Variants in MAPK4 observed in about 807,000 individuals in gnomAD.
MAPK4 encodes the protein Erk3-related.
In MAPK4, 22 loss-of-function variants were observed where a neutral mutation model predicts 47.7. The ratio of observed to expected loss-of-function variants is 0.46; its 90% confidence interval spans 0.33 to 0.66. MAPK4 has a LOEUF of 0.66. Among genes scored for constraint, MAPK4 ranks in the 30% least tolerant of loss-of-function variants. The pLI is 0.02. For missense variants in MAPK4, 736 were observed against 831.7 expected, an observed-to-expected ratio of 0.88 and a Z score of 1.42; for synonymous variants, 390 against 365.7, an observed-to-expected ratio of 1.07 and a Z score of -0.76.
intron 1 of MAPK4, among the ~76,000 whole-genome samples, chr18:50,569,892 G>A (rs1215435933): frequency 6.6e-6 from 1 of 152,182 alleles, no homozygotes; most frequent in Admixed American, 6.5e-5. Context: ...CCTCCAACTG[G>A]GTAAAAGCAG....
chr18:50,697,423 A>G (rs903730993), intron 2 of MAPK4, among the ~76,000 whole-genome samples: 1 of 152,248 alleles, frequency 6.6e-6, no homozygotes, highest in Admixed American at 6.5e-5. Context: ...TTGCTACATT[A>G]ATAATTCAAT....
chr18:50,659,995 T>C (rs2043152530), intron 1 of MAPK4, among the ~76,000 whole-genome samples: 1 of 151,902 alleles, frequency 6.6e-6, no homozygotes, highest in Non-Finnish European at 1.5e-5. Flanking sequence ...GCCAGTCTGC[T>C]CCTCCCCAGG....
At chr18:50,597,483 C>G (rs1222162205) in intron 1 of MAPK4, among the ~76,000 whole-genome samples, 1 of 152,148 alleles carries the variant, frequency 6.6e-6, no homozygotes, top group Non-Finnish European at 1.5e-5. Context: ...GTTTTACATC[C>G]CAAAGAAAGC....
At chr18:50,575,245 G>A (rs1029596346) in intron 1 of MAPK4, among the ~76,000 whole-genome samples, 9 of 152,152 alleles carry the variant, frequency 5.9e-5, no homozygotes, top group Admixed American at 5.2e-4. Context: ...GTGTCACCTT[G>A]GAAGCAGAGA....
In MAPK4 at chr18:50,715,920, C is replaced by T. The variant is rs181044147; in HGVS notation, c.691+697C>T. Among the ~76,000 whole-genome samples, 9 of 152,254 alleles carry T rather than the reference C, an allele frequency of 5.9e-5. No homozygotes were observed. In the East Asian group the frequency reaches 7.7e-4, roughly 13 times the overall value. ...CTCCCTGCCACTGTTCCCTGTCCTTCGGCCACACCAAGTGACCCACTGTTT... is the reference window on the plus strand; with the variant it reads ...CTCCCTGCCACTGTTCCCTGTCCTTTGGCCACACCAAGTGACCCACTGTTT... On this transcript the variant is annotated intron_variant, in intron 3 of 5. Coordinates refer to ENST00000400384, the MANE Select transcript of MAPK4 (RefSeq NM_002747.4).
intron 1 of MAPK4, among the ~76,000 whole-genome samples, chr18:50,564,977 G>T (rs113565734): frequency 1.1e-4 from 17 of 152,368 alleles, no homozygotes; most frequent in African/African-American, 3.8e-4. Flanking sequence ...GAAGGGTCCT[G>T]TGAGGACAAG....
chr18:50,710,269 G>A (rs1245835447), intron 2 of MAPK4, among the ~76,000 whole-genome samples: 1 of 151,974 alleles, frequency 6.6e-6, no homozygotes, highest in African/African-American at 2.4e-5. Flanking sequence ...GATTGCTTGA[G>A]CTCAGGAGTT....
intron 2 of MAPK4, among the ~76,000 whole-genome samples, chr18:50,697,173 A>G (rs1365228995): frequency 1.3e-5 from 2 of 152,236 alleles, no homozygotes; most frequent in African/African-American, 4.8e-5. Flanking sequence ...TTGCTGATGT[A>G]GAGCATAGCA....
chr18:50,611,540 C>T (rs1398264765), intron 1 of MAPK4, among the ~76,000 whole-genome samples: 8 of 152,204 alleles, frequency 5.3e-5, no homozygotes. Context: ...TAGAAGGTGT[C>T]GCTGAGCTCC....
intron 2 of MAPK4, among the ~76,000 whole-genome samples, chr18:50,711,727 C>G (rs1910375402): frequency 1.3e-5 from 2 of 152,100 alleles, no homozygotes; most frequent in Non-Finnish European, 2.9e-5. Flanking sequence ...CAGGCTTGGG[C>G]AGAGGGCTAT....
Position 50,635,895 on chromosome 18 carries a change from GC to G in MAPK4, c.-870-27192del, listed in dbSNP as rs768357437. On this transcript the variant is annotated intron_variant, in intron 1 of 5. Transcript: ENST00000400384. The stretch of plus-strand genomic sequence containing the variant: ...CAGGATGTGACCCCAAAGGCCCATG[GC>G]CTGGTCCACTATAGTCCATGGTGTG... Among the ~76,000 whole-genome samples the G allele has an allele frequency of 2.2e-4, 33 of 152,276 alleles. No individual in the cohort carries two copies. In the Middle Eastern group the frequency reaches 0.014, roughly 63 times the overall value.
At chr18:50,721,871 C>T in intron 3 of MAPK4, 67 bp from the exon 4 acceptor site, 1 of 1,551,728 alleles carries the variant, frequency 6.4e-7, no homozygotes. Flanking sequence ...CCTGGCACTG[C>T]TTTTGGGCTA....
At position 50,729,269 on chromosome 18, in the gene MAPK4, G is replaced by A; in HGVS notation, c.1179G>A (p.Val393=). ...RAGSAPLAED[V]QVDPRKDSHS... is the part of the protein sequence containing the mutation. ...GTTCGGCGCCACTGGCTGAGGACGT[G>A]CAGGTGGACCCGCGCAAGGACTCGC... Residue 393 remains valine (V), a synonymous_variant, in exon 6 of 6, where the codon GTG becomes GTA. Transcript: ENST00000400384. 1 of 1,609,772 alleles carries A rather than the reference G, an allele frequency of 6.2e-7. No homozygotes were observed. The highest frequency in any genetic ancestry group is 8.5e-7 in the Non-Finnish European group (1 of 1,177,914).
At chr18:50,728,262 C>G (rs1426656956) in intron 5 of MAPK4, among the ~76,000 whole-genome samples, 1 of 152,260 alleles carries the variant, frequency 6.6e-6, no homozygotes, top group Non-Finnish European at 1.5e-5. Context: ...TCCGCCAGAG[C>G]TGATGGCCTG....
intron 1 of MAPK4, among the ~76,000 whole-genome samples, chr18:50,601,225 A>G (rs1432511687): frequency 6.6e-6 from 1 of 151,328 alleles, no homozygotes; most frequent in Non-Finnish European, 1.5e-5. Context: ...TCTCAGTTAC[A>G]TGGAAAGCTG....
intron 4 of MAPK4, 83 bp from the exon 5 acceptor site, chr18:50,725,879 A>G: frequency 9.0e-7 from 1 of 1,110,380 alleles, no homozygotes; most frequent in Non-Finnish European, 1.4e-6. Flanking sequence ...ACACCAGCAC[A>G]GAATGTCACC....
At position 50,730,850 on chromosome 18, in the gene MAPK4, C is replaced by T. The variant is rs1320050074; in HGVS notation, c.*996C>T. On this transcript the variant is annotated 3_prime_UTR_variant, in exon 6 of 6. Coordinates refer to ENST00000400384, the MANE Select transcript of MAPK4 (RefSeq NM_002747.4). ...TAACCACAGCGCCTCTCCAGACCTA[C>T]CTCGGGACCTAATGTTCTCTACATG... 6.6e-6 allele frequency: 1 copy of T among 152,026 alleles called. No homozygotes were observed. The allele number at this position is 152,026 out of a possible 1,614,324, so 9.4% of individuals were successfully genotyped here.
intron 2 of MAPK4, among the ~76,000 whole-genome samples, chr18:50,697,032 C>T (rs778810224): frequency 1.3e-4 from 19 of 150,774 alleles, no homozygotes; most frequent in Admixed American, 2.6e-4. Context: ...AGCATCCCCT[C>T]GGAACTCATT....
At chr18:50,637,625 G>A (rs868096971) in intron 1 of MAPK4, among the ~76,000 whole-genome samples, 3 of 152,232 alleles carry the variant, frequency 2.0e-5, no homozygotes, top group African/African-American at 7.2e-5. Flanking sequence ...GCACAGGGGT[G>A]TATTTGTGTG....
Sources: allele counts gnomAD v4.1 joint callset (sites outside exome capture counted in the v4.1 genomes callset), GRCh38; gene constraint gnomAD v4.1.1; transcripts MANE v1.5; gene names NCBI Gene and HGNC (gene_info 2026-07-23, HGNC 2026-07-21).